The following MARK2 variants were observed in gnomAD, a reference collection of about 807,000 sequenced individuals.
MARK2 encodes serine/threonine-protein kinase MARK2.
MARK2 carries 16 observed loss-of-function variants against 89.8 expected under a neutral mutation model. The ratio of observed to expected loss-of-function variants is 0.18; its 90% CI spans 0.12 to 0.27. MARK2 has a LOEUF of 0.27. MARK2 is among the 10% of genes least tolerant of loss of function. MARK2 has a pLI of 1.00. For missense variants in MARK2, 621 were observed against 1,049.9 expected (o/e 0.59, Z 5.65); for synonymous variants, 382 against 399.5 (o/e 0.96, Z 0.52).
chr11:63,872,405 C>T (rs1446918025), intron 1 of MARK2, among the ~76,000 whole-genome samples: 4 of 152,114 alleles, frequency 2.6e-5, no homozygotes, highest in Non-Finnish European at 5.9e-5. Flanking sequence ...AGGTCACAGC[C>T]GGCAAAGCAC....
chr11:63,898,553 G>C, intron 4 of MARK2, 55 bp from the exon 5 acceptor site: 1 of 1,317,760 alleles, frequency 7.6e-7, no homozygotes, highest in South Asian at 1.2e-5. Context: ...ATGTTGGAGA[G>C]CAGTATGTGG....
At chr11:63,854,848 G>A (rs966888395) in intron 1 of MARK2, among the ~76,000 whole-genome samples, 1 of 150,594 alleles carries the variant, frequency 6.6e-6, no homozygotes, top group African/African-American at 2.4e-5. Flanking sequence ...TCCAAGTGAG[G>A]AAATACAAAG....
At chr11:63,871,610 G>T (rs1320608072) in intron 1 of MARK2, among the ~76,000 whole-genome samples, 1 of 147,994 alleles carries the variant, frequency 6.8e-6, no homozygotes, top group Non-Finnish European at 1.5e-5. Context: ...TGGCTGAAGA[G>T]TATTCACTGT....
intron 1 of MARK2, among the ~76,000 whole-genome samples, chr11:63,892,911 T>A (rs1940012070): frequency 6.8e-6 from 1 of 147,722 alleles, no homozygotes; most frequent in African/African-American, 2.5e-5. Context: ...TTAATTTTTT[T>A]TTTTTTTTTT....
chr11:63,869,523 A>T (rs931471643), intron 1 of MARK2, among the ~76,000 whole-genome samples: 4 of 152,044 alleles, frequency 2.6e-5, no homozygotes, highest in Admixed American at 6.6e-5. Flanking sequence ...TTTTTATGGT[A>T]TGTGGAGAGT....
chr11:63,872,823 G>A (rs1021693554), intron 1 of MARK2, among the ~76,000 whole-genome samples: 1 of 152,068 alleles, frequency 6.6e-6, no homozygotes, highest in South Asian at 2.1e-4. Context: ...TTTAGGGGCA[G>A]GGCTTGAAAA....
chr11:63,908,884 G>C lies in MARK2; in HGVS notation c.2014G>C (p.Val672Leu). 1 of 1,505,978 alleles carries C rather than the reference G, an allele frequency of 6.6e-7. No individual in the cohort carries two copies. Among genetic ancestry groups the C allele is most frequent in the Non-Finnish European group, 8.9e-7 (1 of 1,122,066 alleles). The allele number at this position is 1,505,978 out of a possible 1,614,324, so 93.3% of individuals were successfully genotyped here. The change falls in exon 19 of 19, where the codon GTG becomes CTG. Residue 672 changes from valine (V) to leucine (L), a missense_variant. Transcript: ENST00000402010. ...CCTCTGCCCTCTCCACAGACCTCAC[G>C]TGGTGGGCAGTGGCGGCAACGACAA... is the stretch of plus-strand genomic sequence containing the variant. ...KDRVETLRPH[V>L]VGSGGNDKEK...
chr11:63,878,708 A>T (rs1938922313), intron 1 of MARK2, among the ~76,000 whole-genome samples: 1 of 152,024 alleles, frequency 6.6e-6, no homozygotes, highest in African/African-American at 2.4e-5. Context: ...GAGCTTGAAG[A>T]CTAGGGAGCC....
Position 63,908,404 on chromosome 11 carries a change from G to A in MARK2, c.2006+100G>A. On this transcript the variant is annotated intron_variant, in intron 18 of 18. Transcript: ENST00000402010. ...TCTGCCACTTGGCTCTTCCTCCCGT[G>A]GTTCTGCCCTGTCCCTACCCTCTGG... is the stretch of plus-strand genomic sequence containing the variant. The A allele has an allele frequency of 2.0e-6, 2 of 1,011,274 alleles. 1 individual carries two copies. The highest frequency in any genetic ancestry group is 2.7e-5 in the South Asian group (2 of 72,760). 62.6% of individuals were successfully genotyped at this position (1,011,274 alleles called of 1,614,324 possible).
In MARK2 at chr11:63,904,127, C is replaced by T; in HGVS notation, c.1656C>T (p.Asn552=). Residue 552 remains asparagine (N), a synonymous_variant, in exon 15 of 19, where the codon AAC becomes AAT. Coordinates refer to ENST00000402010, the MANE Select transcript of MARK2 (RefSeq NM_001039469.3). The surrounding 1 kb of genome is among the most constrained non-coding windows in gnomAD (Gnocchi z 6.3). ...CTGGGCTGCCCCCCACGGAGAGTAA[C>T]TGTGAGGTGCCGCGGCCCAGGCAAG... is the stretch of plus-strand genomic sequence containing the variant. ...KASGLPPTES[N]CEVPRPSTAP... 1 of 1,590,488 alleles carries T rather than the reference C, an allele frequency of 6.3e-7. No homozygotes were observed. Among genetic ancestry groups the T allele is most frequent in the African/African-American group, 1.3e-5 (1 of 74,766 alleles).
intron 1 of MARK2, among the ~76,000 whole-genome samples, chr11:63,848,057 G>A (rs2016368690): frequency 6.6e-6 from 1 of 152,226 alleles, no homozygotes; most frequent in South Asian, 2.1e-4. Context: ...CAACCTGTAG[G>A]AAAGGTGGGA....
At chr11:63,894,754 C>T (rs1261500045) in intron 1 of MARK2, among the ~76,000 whole-genome samples, 1 of 152,086 alleles carries the variant, frequency 6.6e-6, no homozygotes, top group African/African-American at 2.4e-5. Flanking sequence ...GCGATGAGGG[C>T]GTTGAAGCAG....
At chr11:63,876,725 G>A (rs1938780905) in intron 1 of MARK2, among the ~76,000 whole-genome samples, 1 of 152,040 alleles carries the variant, frequency 6.6e-6, no homozygotes, top group Admixed American at 6.6e-5. Flanking sequence ...TTTCTTCCCT[G>A]CCATCTCTGA....
At chr11:63,886,355 C>T (rs1024294317) in intron 1 of MARK2, among the ~76,000 whole-genome samples, 2 of 151,776 alleles carry the variant, frequency 1.3e-5, no homozygotes, top group African/African-American at 4.8e-5. Context: ...AATTCCCAGG[C>T]GCAAGTCGTC....
Position 63,903,187 on chromosome 11 carries a change from C to T in MARK2, c.1514+29C>T, listed in dbSNP as rs781159172. Reference sequence around the variant, plus strand: ...AGAGACCCGGGCCCTGCCTGCCTCACTCCCTAGGAGCCATGTCTCACAGGG... The same window carrying T: ...AGAGACCCGGGCCCTGCCTGCCTCATTCCCTAGGAGCCATGTCTCACAGGG... On this transcript the variant is annotated intron_variant, in intron 14 of 18. Coordinates refer to ENST00000402010, the MANE Select transcript of MARK2 (RefSeq NM_001039469.3). This position sits in a 1 kb window ranked among gnomAD's most constrained non-coding sequence, Gnocchi z 5.1. 1.2e-5 allele frequency: 18 copies of T among 1,536,512 alleles called. 1 individual carries two copies. In the South Asian group the frequency reaches 1.9e-4, roughly 16 times the overall value.
chr11:63,849,290 A>G (rs1439170004), intron 1 of MARK2, among the ~76,000 whole-genome samples: 1 of 152,208 alleles, frequency 6.6e-6, no homozygotes, highest in Non-Finnish European at 1.5e-5. Context: ...CTTTTTGCTC[A>G]TGAAAGTTTG....
Position 63,909,424 on chromosome 11 carries a change from A to C in MARK2, c.*187A>C, listed in dbSNP as rs182664. On this transcript the variant is annotated 3_prime_UTR_variant, in exon 19 of 19. Coordinates refer to ENST00000402010, the MANE Select transcript of MARK2 (RefSeq NM_001039469.3). ...GGGGGGTGGGAGATTGTTCTCCAGC[A>C]CCCCACATTCACCCCTGCCCAGAGA... 548,680 of 556,868 alleles carry C rather than the reference A, an allele frequency of 0.99. 270,793 individuals are homozygous for C. The highest frequency in any genetic ancestry group is 1 in the East Asian group (30,484 of 30,484). 34.5% of individuals were successfully genotyped at this position (556,868 alleles called of 1,614,324 possible). A position where few individuals can be genotyped will look rare whatever the true frequency, so the allele number is the denominator to read the frequency against.
chr11:63,890,604 C>T (rs1035976588), intron 1 of MARK2, among the ~76,000 whole-genome samples: 3 of 152,168 alleles, frequency 2.0e-5, no homozygotes, highest in Non-Finnish European at 4.4e-5. Context: ...TGGAGGAGAG[C>T]GGGCACTCAA....
At chr11:63,889,666 C>T (rs1939675986) in intron 1 of MARK2, among the ~76,000 whole-genome samples, 1 of 152,274 alleles carries the variant, frequency 6.6e-6, no homozygotes, top group African/African-American at 2.4e-5. Flanking sequence ...TGCCTTCTCT[C>T]TTCCTCTCAG....
Sources: allele counts gnomAD v4.1 joint callset (sites outside exome capture counted in the v4.1 genomes callset), GRCh38; gene constraint gnomAD v4.1.1; non-coding constraint Gnocchi (gnomAD v3.1); transcripts MANE v1.5; gene names NCBI Gene and HGNC (gene_info 2026-07-23, HGNC 2026-07-21).